Variants in KLF13 observed in about 807,000 individuals in gnomAD.
KLF13 encodes KLF transcription factor 13.
A neutral mutation model predicts 16.7 loss-of-function variants in KLF13; 8 were observed. That is an observed-to-expected ratio of 0.48 (90% CI 0.28 to 0.87). The LOEUF (loss-of-function observed/expected upper bound fraction) is 0.87, where lower values mean the gene tolerates loss of function less well. Among genes scored for constraint, KLF13 ranks in the 40% least tolerant of loss-of-function variants. KLF13 has a pLI of 0.10. For synonymous variants in KLF13, 245 were observed against 208.4 expected (o/e 1.18, Z -1.51); for missense variants, 447 against 452.2 (o/e 0.99, Z 0.10).
chr15:31,375,579 G>A lies in KLF13; in HGVS notation c.*3280G>A, dbSNP rs1378564766. On this transcript the variant is annotated 3_prime_UTR_variant, in exon 2 of 2. Coordinates refer to ENST00000307145, the MANE Select transcript of KLF13 (RefSeq NM_015995.4). ...GTGAAGGGAGAGTTCCCCTATAAAAGGCCTAAAATTGATCTGGGGCTCAGC... is the reference window on the plus strand; with the variant it reads ...GTGAAGGGAGAGTTCCCCTATAAAAAGCCTAAAATTGATCTGGGGCTCAGC... The A allele has an allele frequency of 1.3e-5, 2 of 152,124 alleles. No homozygotes were observed. The highest frequency in any genetic ancestry group is 2.4e-5 in the African/African-American group (1 of 41,418). 9.4% of individuals were successfully genotyped at this position (152,124 alleles called of 1,614,324 possible).
chr15:31,332,435 T>C (rs1157483023), intron 1 of KLF13, among the ~76,000 whole-genome samples: 1 of 152,192 alleles, frequency 6.6e-6, no homozygotes, highest in Non-Finnish European at 1.5e-5. Context: ...TTTACAGAGA[T>C]TGGAAAGTGT....
chr15:31,405,909 A>C (rs1021833317), downstream of KLF13, among the ~76,000 whole-genome samples: 30 of 152,254 alleles, frequency 2.0e-4, no homozygotes, highest in African/African-American at 7.2e-4. Context: ...TAGATACTAA[A>C]GGCAATGAAT....
intron 1 of KLF13, among the ~76,000 whole-genome samples, chr15:31,370,044 C>CTTTTTTTTT (rs912005994): frequency 3.8e-4 from 38 of 99,176 alleles, no homozygotes; most frequent in East Asian, 6.1e-4. Flanking sequence ...TCTCCTTTTT[C>CTTTTTTTTT]TTTTTTTTTT....
At chr15:31,364,829 C>G (rs561239544) in intron 1 of KLF13, among the ~76,000 whole-genome samples, 1 of 152,362 alleles carries the variant, frequency 6.6e-6, no homozygotes, top group South Asian at 2.1e-4. Flanking sequence ...TGCATGTCAG[C>G]TCCATGTGGC....
At chr15:31,390,725 T>C (rs2039852219), upstream of KLF13, among the ~76,000 whole-genome samples, 1 of 152,170 alleles carries the variant, frequency 6.6e-6, no homozygotes, top group Non-Finnish European at 1.5e-5. Context: ...GCCCTCCCTC[T>C]ACATTCTTTT....
chr15:31,386,218 C>T (rs1191290022), intron 1 of KLF13, among the ~76,000 whole-genome samples: 2 of 152,198 alleles, frequency 1.3e-5, no homozygotes, highest in African/African-American at 4.8e-5. Flanking sequence ...AAGTATTAGG[C>T]TGGGCGCAGT....
At position 31,412,284 on chromosome 15, in the gene KLF13, G is replaced by A. The variant is rs558174631; in HGVS notation, n.117+18593G>A. On this transcript the variant is annotated intron_variant and non_coding_transcript_variant, in intron 1 of 1. Transcript: ENST00000558225. Reference sequence around the variant, plus strand: ...TAGACTTTCTAATTACCAGAACTGTGAGCAATAATTTTGTGTTGTTTGTAA... The same window carrying A: ...TAGACTTTCTAATTACCAGAACTGTAAGCAATAATTTTGTGTTGTTTGTAA... 2.0e-5 allele frequency among the ~76,000 whole-genome samples: 3 copies of A among 152,178 alleles called. No homozygotes were observed. In the South Asian group the frequency reaches 6.2e-4, roughly 31 times the overall value.
upstream of KLF13, among the ~76,000 whole-genome samples, chr15:31,390,511 G>A (rs918781280): frequency 5.3e-5 from 8 of 152,286 alleles, no homozygotes; most frequent in South Asian, 2.1e-4. Context: ...AGCCTTTGCC[G>A]TGAACATTTT....
chr15:31,424,036 G>A (rs749264495), intron 1 of KLF13, among the ~76,000 whole-genome samples: 13 of 151,906 alleles, frequency 8.6e-5, no homozygotes, highest in African/African-American at 1.5e-4. Flanking sequence ...ATATTGAATC[G>A]TGAAGAAATA....
At chr15:31,337,667 A>C (rs2038953760) in intron 1 of KLF13, among the ~76,000 whole-genome samples, 1 of 152,212 alleles carries the variant, frequency 6.6e-6, no homozygotes, top group Non-Finnish European at 1.5e-5. Context: ...TACTGTCCTG[A>C]ATACTGTAGG....
At chr15:31,346,929 GA>G (rs2039131819) in intron 1 of KLF13, among the ~76,000 whole-genome samples, 2 of 152,198 alleles carry the variant, frequency 1.3e-5, no homozygotes, top group South Asian at 2.1e-4. Flanking sequence ...CAGCAGGGGA[GA>G]GGGGCAGCGT....
intron 1 of KLF13, among the ~76,000 whole-genome samples, chr15:31,333,838 G>A (rs1374149456): frequency 6.6e-6 from 1 of 152,164 alleles, no homozygotes; most frequent in Non-Finnish European, 1.5e-5. Context: ...CAGTTGTCTT[G>A]TAGAACAACT....
chr15:31,420,854 G>A (rs913335835), intron 1 of KLF13, among the ~76,000 whole-genome samples: 3 of 152,020 alleles, frequency 2.0e-5, no homozygotes, highest in Non-Finnish European at 2.9e-5. Flanking sequence ...CACCATGCCC[G>A]GCTAATTTTG....
At position 31,413,531 on chromosome 15, in the gene KLF13, A is replaced by G. The variant is rs529385978; in HGVS notation, n.117+19840A>G. 8.1e-4 allele frequency among the ~76,000 whole-genome samples: 124 copies of G among 152,326 alleles called. 1 individual carries two copies. In the South Asian group the frequency reaches 0.024, roughly 30 times the overall value. On this transcript the variant is annotated intron_variant and non_coding_transcript_variant, in intron 1 of 1. Coordinates refer to the KLF13 transcript ENST00000558225. ...ATACATTAGCAGCTGACTTTTCATA[A>G]CAAAACACAGGTCAGAAGGCAGTGA...
intron 1 of KLF13, among the ~76,000 whole-genome samples, chr15:31,429,170 C>A (rs1021915573): frequency 6.8e-6 from 1 of 147,714 alleles, no homozygotes; most frequent in African/African-American, 2.7e-5. Flanking sequence ...AGTGACAGTG[C>A]AGAGCAGCAG....
chr15:31,340,376 T>C (rs1478125221), intron 1 of KLF13, among the ~76,000 whole-genome samples: 1 of 152,246 alleles, frequency 6.6e-6, no homozygotes, highest in Admixed American at 6.5e-5. Flanking sequence ...CCAAGCCTCC[T>C]GGCCTTTCCA....
rs73368636 is a variant in KLF13, at chr15:31,430,078, T to G, written n.118-5292T>G. 6.0e-3 allele frequency among the ~76,000 whole-genome samples: 907 copies of G among 152,192 alleles called. 14 individuals are homozygous for G. Among genetic ancestry groups the G allele is most frequent in the African/African-American group, 0.02 (850 of 41,532 alleles). On this transcript the variant is annotated intron_variant and non_coding_transcript_variant, in intron 1 of 1. Coordinates refer to the KLF13 transcript ENST00000558225. ...AAAGATCATGCTCTGTTGCCTTGGT[T>G]GGAAGGGGAAGATTGTTAAACAAGG... is the stretch of plus-strand genomic sequence containing the variant.
At chr15:31,432,376 T>G (rs1185377447) in intron 1 of KLF13, among the ~76,000 whole-genome samples, 2 of 151,358 alleles carry the variant, frequency 1.3e-5, no homozygotes, top group Non-Finnish European at 2.9e-5. Flanking sequence ...TTTCTCTGTC[T>G]CCTTCCCTCC....
rs75625132 is a variant in KLF13, at chr15:31,367,096, A to G, written c.578-4914A>G. Among the ~76,000 whole-genome samples, 231 of 152,350 alleles carry G rather than the reference A, an allele frequency of 1.5e-3. 7 individuals are homozygous for G. The East Asian group carries it at 0.04, about 26-fold the overall frequency. On this transcript the variant is annotated intron_variant, in intron 1 of 1. Coordinates refer to ENST00000307145, the MANE Select transcript of KLF13 (RefSeq NM_015995.4). ...GGGCTCCCTGCGGATCATGTGGGTG[A>G]AAGTGGCCTGGGGCATGTTGCTCCC... is the stretch of plus-strand genomic sequence containing the variant.
Sources: allele counts gnomAD v4.1 joint callset (sites outside exome capture counted in the v4.1 genomes callset), GRCh38; gene constraint gnomAD v4.1.1; transcripts MANE v1.5; gene names NCBI Gene and HGNC (gene_info 2026-07-23, HGNC 2026-07-21).